The following IGFBP4 variants were observed in gnomAD, a reference collection of about 807,000 sequenced individuals.
IGFBP4 encodes insulin-like growth factor-binding protein 4.
A neutral mutation model predicts 25.8 loss-of-function variants in IGFBP4; 9 were observed. The ratio of observed to expected loss-of-function variants is 0.35; its 90% confidence interval spans 0.21 to 0.61. The LOEUF (loss-of-function observed/expected upper bound fraction) is 0.61, where lower values mean the gene tolerates loss of function less well. Ranked by LOEUF, IGFBP4 falls within the 20% of genes least tolerant of loss-of-function variation. The pLI, the probability that IGFBP4 is intolerant of heterozygous loss-of-function variation, is 0.77. For synonymous variants in IGFBP4, 153 were observed against 153.9 expected (o/e 0.99, Z 0.05); for missense variants, 315 against 365.3 (o/e 0.86, Z 1.12).
At chr17:40,445,816 C>G (rs1057415686) in intron 1 of IGFBP4, among the ~76,000 whole-genome samples, 1 of 152,134 alleles carries the variant, frequency 6.6e-6, no homozygotes, top group Non-Finnish European at 1.5e-5. Context: ...CATCCTCCAC[C>G]AGCCAGAGGG....
At chr17:40,452,822 G>T (rs1462117812) in intron 1 of IGFBP4, among the ~76,000 whole-genome samples, 163 bp from the exon 2 acceptor site, 5 of 152,050 alleles carry the variant, frequency 3.3e-5, no homozygotes, top group Non-Finnish European at 7.4e-5. Flanking sequence ...AGGGGAGGAG[G>T]TAGGGGGCTG....
At chr17:40,449,899 T>C (rs1405082671) in intron 1 of IGFBP4, among the ~76,000 whole-genome samples, 1 of 152,236 alleles carries the variant, frequency 6.6e-6, no homozygotes. Flanking sequence ...CACTACCTCC[T>C]GAAAACTCTT....
chr17:40,446,624 A>C (rs145551487), intron 1 of IGFBP4, among the ~76,000 whole-genome samples: 338 of 152,234 alleles, frequency 2.2e-3, no homozygotes, highest in African/African-American at 7.8e-3. Context: ...TAAAGAAAAC[A>C]AAACAAATAA....
Position 40,444,082 on chromosome 17 carries a change from C to G in IGFBP4, c.347C>G (p.Ser116Cys). 1 of 1,534,906 alleles carries G rather than the reference C, an allele frequency of 6.5e-7. No homozygotes were observed. ...IEAIQESLQP[S>C]DKDEGDHPNN... ...GCCATCCAGGAAAGCCTGCAGCCCT[C>G]TGGTAAGGTACCCCTGGCCTCCCAA... The change falls in exon 1 of 4, where the codon TCT (serine) becomes TGT (cysteine). Residue 116 changes from serine to cysteine, a missense_variant and splice_region_variant. Transcript: ENST00000269593.
chr17:40,451,108 T>C (rs1388626985), intron 1 of IGFBP4, among the ~76,000 whole-genome samples: 1 of 152,144 alleles, frequency 6.6e-6, no homozygotes, highest in East Asian at 1.9e-4. Context: ...TTCTGAAGTT[T>C]ATGTTTCTTC....
intron 1 of IGFBP4, among the ~76,000 whole-genome samples, chr17:40,446,470 G>C (rs2035646361): frequency 6.6e-6 from 1 of 152,034 alleles, no homozygotes; most frequent in African/African-American, 2.4e-5. Flanking sequence ...ACAAAAATTA[G>C]CTGGGCATGG....
At chr17:40,448,020 G>A (rs1332536090) in intron 1 of IGFBP4, among the ~76,000 whole-genome samples, 3 of 152,202 alleles carry the variant, frequency 2.0e-5, no homozygotes, top group African/African-American at 7.2e-5. Flanking sequence ...ACAGCTGTTG[G>A]GGGTGATACC....
rs1401906689 is a variant in IGFBP4 at position 40,444,926 on chromosome 17, CAGAGACAGAGAGAGAG to C, written c.349+848_349+863del. 3.5e-3 allele frequency among the ~76,000 whole-genome samples: 222 copies of C among 62,772 alleles called. 3 individuals are homozygous for C. The highest frequency in any genetic ancestry group is 7.4e-3 in the East Asian group (13 of 1,746). The allele number at this position is 62,772 out of a possible 152,430, so 41.2% of individuals were successfully genotyped here. ...ACACACACACACACACACACACACA[CAGAGACAGAGAGAGAG>C]AGAGAGAGAGAGAGAGAGAGAGAGA... On this transcript the variant is annotated intron_variant, in intron 1 of 3. Transcript: ENST00000269593.
chr17:40,456,169 A>T (rs1037622419), intron 3 of IGFBP4, among the ~76,000 whole-genome samples: 1 of 152,116 alleles, frequency 6.6e-6, no homozygotes, highest in African/African-American at 2.4e-5. Flanking sequence ...AACATCTCCA[A>T]CCTGAACCCA....
intron 1 of IGFBP4, among the ~76,000 whole-genome samples, chr17:40,444,598 G>A (rs1476457598): frequency 6.6e-6 from 1 of 152,072 alleles, no homozygotes; most frequent in African/African-American, 2.4e-5. Flanking sequence ...GGACTTTGGC[G>A]TTGAGGGGCA....
chr17:40,451,188 A>T (rs1427408726), intron 1 of IGFBP4, among the ~76,000 whole-genome samples: 1 of 152,122 alleles, frequency 6.6e-6, no homozygotes, highest in African/African-American at 2.4e-5. Context: ...TAGGAACTTG[A>T]TGTAGGACTG....
At chr17:40,451,590 C>T in intron 1 of IGFBP4, among the ~76,000 whole-genome samples, 1 of 152,120 alleles carries the variant, frequency 6.6e-6, no homozygotes, top group East Asian at 1.9e-4. Context: ...AACCCTGACG[C>T]AAACCAGATG....
At chr17:40,446,747 G>C (rs1415486653) in intron 1 of IGFBP4, among the ~76,000 whole-genome samples, 1 of 152,196 alleles carries the variant, frequency 6.6e-6, no homozygotes, top group Non-Finnish European at 1.5e-5. Flanking sequence ...TTGTCCTCCA[G>C]CCTCCAGCCA....
At chr17:40,444,558 C>G (rs953345794) in intron 1 of IGFBP4, among the ~76,000 whole-genome samples, 3 of 151,942 alleles carry the variant, frequency 2.0e-5, no homozygotes. Flanking sequence ...TTACATGGTC[C>G]AGTGGTGGAG....
rs2035625614 is a variant in IGFBP4, at chr17:40,443,964, G to A, written c.229G>A (p.Gly77Ser). 1 of 1,531,196 alleles carries A rather than the reference G, an allele frequency of 6.5e-7. No individual in the cohort carries two copies. 94.9% of individuals were successfully genotyped at this position (1,531,196 alleles called of 1,614,324 possible). The change falls in exon 1 of 4, where the codon GGC becomes AGC. Residue 77 changes from glycine to serine, a missense_variant. By Grantham distance (56) the Gly-to-Ser change is moderately conservative. Transcript: ENST00000269593. ...GGTGTACACCCCCCGTTGCGGCTCGGGCCTGCGCTGCTACCCGCCCCGAGG... is the reference window on the plus strand; with the variant it reads ...GGTGTACACCCCCCGTTGCGGCTCGAGCCTGCGCTGCTACCCGCCCCGAGG... ...CGVYTPRCGS[G>S]LRCYPPRGVE...
At position 40,444,056 on chromosome 17, in the gene IGFBP4, G is replaced by A. The variant is rs1485860298; in HGVS notation, c.321G>A (p.Glu107=). The change falls in exon 1 of 4, where the codon GAG becomes GAA. Residue 107 remains glutamate, a synonymous_variant. Transcript: ENST00000269593. Reference sequence around the variant, plus strand: ...TGTGCATGGAGCTGGCGGAGATCGAGGCCATCCAGGAAAGCCTGCAGCCCT... The same window carrying A: ...TGTGCATGGAGCTGGCGGAGATCGAAGCCATCCAGGAAAGCCTGCAGCCCT... ...QGVCMELAEI[E]AIQESLQPSD... is the part of the protein sequence containing the mutation. 3 of 1,538,474 alleles carry A rather than the reference G, an allele frequency of 1.9e-6. No individual in the cohort carries two copies. The highest frequency in any genetic ancestry group is 2.6e-6 in the Non-Finnish European group (3 of 1,147,808).
chr17:40,453,541 G>C lies in IGFBP4; in HGVS notation c.508-387G>C, dbSNP rs920921498. Among the ~76,000 whole-genome samples, 4 of 152,154 alleles carry C rather than the reference G, an allele frequency of 2.6e-5. No individual in the cohort carries two copies. In the East Asian group the frequency reaches 7.7e-4, roughly 29 times the overall value. On this transcript the variant is annotated intron_variant, in intron 2 of 3. Transcript: ENST00000269593. This position sits in a 1 kb window ranked among gnomAD's most constrained non-coding sequence, Gnocchi z 4.0. ...TAATGCTGGCCATAGCAGGGGGCCT[G>C]GGACCCTGCTCCAGGGTCTGGCTAA...
Position 40,443,946 on chromosome 17 carries a change from A to C in IGFBP4, c.211A>C (p.Thr71Pro), listed in dbSNP as rs940675487. Residue 71 changes from threonine (T) to proline (P), a missense_variant, in exon 1 of 4, where the codon ACC becomes CCC. Transcript: ENST00000269593. ...CTTGGGGATGCCCTGCGGGGTGTAC[A>C]CCCCCCGTTGCGGCTCGGGCCTGCG... Reference protein sequence around the residue: ...LGLGMPCGVYTPRCGSGLRCY... With the variant: ...LGLGMPCGVYPPRCGSGLRCY... The C allele has an allele frequency of 6.5e-7, 1 of 1,530,462 alleles. No homozygotes were observed. Among genetic ancestry groups the C allele is most frequent in the Non-Finnish European group, 8.7e-7 (1 of 1,144,094 alleles). 94.8% of individuals were successfully genotyped at this position (1,530,462 alleles called of 1,614,324 possible).
intron 1 of IGFBP4, among the ~76,000 whole-genome samples, chr17:40,447,436 G>A (rs559625672): frequency 1.3e-5 from 2 of 152,330 alleles, no homozygotes; most frequent in Admixed American, 1.3e-4. Flanking sequence ...CAGTCCCTTT[G>A]GGACAGGGTT....
Sources: gnomAD v4.1 joint callset for allele counts (sites outside exome capture counted in the v4.1 genomes callset) on GRCh38, gnomAD v4.1.1 for gene constraint, Gnocchi (gnomAD v3.1) non-coding constraint, MANE v1.5 for transcripts, NCBI Gene and HGNC (gene_info 2026-07-23, HGNC 2026-07-21) for gene names.